XYLT1: variants seen among roughly 807,000 people sequenced by gnomAD.
XYLT1 encodes xylosyltransferase 1.
XYLT1 carries 36 observed loss-of-function variants against 91.3 expected under a neutral mutation model. That is an observed-to-expected ratio of 0.39 (90% CI 0.30 to 0.52). XYLT1 has a LOEUF of 0.52. Ranked by LOEUF, XYLT1 falls within the 20% of genes least tolerant of loss-of-function variation. XYLT1 has a pLI of 0.68. For missense variants in XYLT1, 1,242 were observed against 1,284.5 expected (o/e 0.97, Z 0.51); for synonymous variants, 588 against 532.0 (o/e 1.11, Z -1.45).
chr16:17,239,813 CT>C (rs1216226988), intron 3 of XYLT1, among the ~76,000 whole-genome samples: 2 of 152,144 alleles, frequency 1.3e-5, no homozygotes, highest in Admixed American at 1.3e-4. Flanking sequence ...TTCATCCATC[CT>C]TTCATCTGTC....
intron 1 of XYLT1, among the ~76,000 whole-genome samples, chr16:17,382,766 G>A (rs67049088): frequency 0.21 from 32,564 of 151,742 alleles, 5,653 homozygotes; most frequent in African/African-American, 0.47. Context: ...CCAGATAACG[G>A]TCCCCATACT....
At chr16:17,171,515 T>G (rs1555484978) in intron 5 of XYLT1, among the ~76,000 whole-genome samples, 1 of 152,222 alleles carries the variant, frequency 6.6e-6, no homozygotes, top group Non-Finnish European at 1.5e-5. Context: ...TCCAGTAGAC[T>G]CTTTACCCAC....
At chr16:17,313,871 G>A (rs1027671530) in intron 2 of XYLT1, among the ~76,000 whole-genome samples, 2 of 152,074 alleles carry the variant, frequency 1.3e-5, no homozygotes, top group African/African-American at 4.8e-5. Flanking sequence ...TGAACCTACA[G>A]GGAGAATGGG....
intron 7 of XYLT1, among the ~76,000 whole-genome samples, chr16:17,139,873 C>T (rs1231332701): frequency 6.6e-6 from 1 of 152,220 alleles, no homozygotes; most frequent in Non-Finnish European, 1.5e-5. Context: ...CATCATCCCT[C>T]TGGGTGATGG....
intron 3 of XYLT1, among the ~76,000 whole-genome samples, chr16:17,247,713 C>T (rs2033463445): frequency 6.6e-6 from 1 of 152,140 alleles, no homozygotes; most frequent in Non-Finnish European, 1.5e-5. Context: ...TCAAAGGCTT[C>T]TCCTAATCCA....
chr16:17,314,403 T>C (rs971228213), intron 2 of XYLT1, among the ~76,000 whole-genome samples: 1 of 152,174 alleles, frequency 6.6e-6, no homozygotes, highest in East Asian at 1.9e-4. Context: ...GTCATTTTTT[T>C]AGAGCCCTCT....
chr16:17,402,199 A>G (rs2035978199), intron 1 of XYLT1, among the ~76,000 whole-genome samples: 2 of 151,786 alleles, frequency 1.3e-5, no homozygotes, highest in African/African-American at 4.8e-5. Context: ...GCACACCTGT[A>G]GTCCCAGCCA....
intron 2 of XYLT1, among the ~76,000 whole-genome samples, chr16:17,318,335 AC>A (rs2034667455): frequency 6.6e-6 from 1 of 152,210 alleles, no homozygotes; most frequent in Non-Finnish European, 1.5e-5. Context: ...TCCTGTTCAA[AC>A]AGCTAGACTT....
chr16:17,276,618 C>G (rs1440830441), intron 2 of XYLT1, among the ~76,000 whole-genome samples: 1 of 152,170 alleles, frequency 6.6e-6, no homozygotes, highest in Non-Finnish European at 1.5e-5. Flanking sequence ...CTGGTCACTC[C>G]CTTTGGAGGC....
chr16:17,109,908 G>T (rs1966830240), intron 11 of XYLT1, among the ~76,000 whole-genome samples: 1 of 152,032 alleles, frequency 6.6e-6, no homozygotes, highest in African/African-American at 2.4e-5. Context: ...TGCATGAACT[G>T]ACCACAGAAC....
intron 2 of XYLT1, among the ~76,000 whole-genome samples, chr16:17,280,455 T>C (rs1194756442): frequency 6.6e-6 from 1 of 152,230 alleles, no homozygotes; most frequent in Non-Finnish European, 1.5e-5. Context: ...AATACAAATA[T>C]GTGTCAGATA....
At chr16:17,313,970 T>C (rs1354695726) in intron 2 of XYLT1, among the ~76,000 whole-genome samples, 2 of 152,210 alleles carry the variant, frequency 1.3e-5, no homozygotes. Context: ...GCCTCAGCCA[T>C]GTGTCAAGGT....
At chr16:17,217,517 T>C (rs992452887) in intron 3 of XYLT1, among the ~76,000 whole-genome samples, 4 of 152,246 alleles carry the variant, frequency 2.6e-5, no homozygotes, top group Admixed American at 2.6e-4. Flanking sequence ...AGTAATGTAC[T>C]CCTGACATCT....
chr16:17,285,032 C>T (rs1442278025), intron 2 of XYLT1, among the ~76,000 whole-genome samples: 1 of 152,166 alleles, frequency 6.6e-6, no homozygotes, highest in Non-Finnish European at 1.5e-5. Flanking sequence ...TGGAAGAGCC[C>T]ACTCACCCAC....
At chr16:17,333,978 G>A (rs2034941621) in intron 2 of XYLT1, among the ~76,000 whole-genome samples, 1 of 152,088 alleles carries the variant, frequency 6.6e-6, no homozygotes, top group Admixed American at 6.5e-5. Context: ...ATCATGCATG[G>A]GGTTAGTCCC....
At chr16:17,388,777 G>C (rs966561337) in intron 1 of XYLT1, among the ~76,000 whole-genome samples, 12 of 152,182 alleles carry the variant, frequency 7.9e-5, no homozygotes, top group Admixed American at 7.9e-4. Context: ...AGGATGGTAT[G>C]ATCAGAGAGT....
intron 2 of XYLT1, among the ~76,000 whole-genome samples, chr16:17,344,425 G>A (rs1317869449): frequency 6.6e-6 from 1 of 150,894 alleles, no homozygotes; most frequent in South Asian, 2.1e-4. Context: ...CCCGGGAGGT[G>A]GAGCTTGCAG....
intron 2 of XYLT1, among the ~76,000 whole-genome samples, chr16:17,300,566 C>G (rs1413198999): frequency 2.2e-5 from 3 of 138,808 alleles, no homozygotes; most frequent in Non-Finnish European, 4.5e-5. Flanking sequence ...AAGTGATTCT[C>G]CTGCCTTAGC....
chr16:17,124,480 G>C (rs2030189329), intron 10 of XYLT1, among the ~76,000 whole-genome samples: 1 of 152,192 alleles, frequency 6.6e-6, no homozygotes, highest in Admixed American at 6.5e-5. Context: ...TGAGAAATCT[G>C]CTGTTAATCT....
Sources: gnomAD v4.1 joint callset for allele counts (sites outside exome capture counted in the v4.1 genomes callset) on GRCh38, gnomAD v4.1.1 for gene constraint, MANE v1.5 for transcripts, NCBI Gene and HGNC (gene_info 2026-07-23, HGNC 2026-07-21) for gene names.